ADAMTSL1: variants seen among roughly 807,000 people sequenced by gnomAD.
ADAMTSL1 encodes ADAMTS-like protein 1.
In ADAMTSL1, 126 loss-of-function variants were observed where a neutral mutation model predicts 201.8. The observed-to-expected ratio is 0.62, with a 90% confidence interval of 0.54 to 0.72. ADAMTSL1 has a LOEUF of 0.72. Among genes scored for constraint, ADAMTSL1 ranks in the 30% least tolerant of loss-of-function variants. The probability of loss-of-function intolerance (pLI) is 0.00; values close to 1 mark genes in which losing one functional copy is unlikely to be tolerated. For missense variants in ADAMTSL1, 2,679 were observed against 2,277.8 expected, an observed-to-expected ratio of 1.18 and a Z score of -3.59; for synonymous variants, 1,121 against 903.4, an observed-to-expected ratio of 1.24 and a Z score of -4.32.
At chr9:18,039,014 T>A (rs187275984) in intron 1 of ADAMTSL1, among the ~76,000 whole-genome samples, 133 of 152,288 alleles carry the variant, frequency 8.7e-4, no homozygotes, top group African/African-American at 3.2e-3. Flanking sequence ...AAGAAAGCAC[T>A]AACCCAGAGC....
At chr9:17,917,265 T>C (rs537670762) in intron 1 of ADAMTSL1, among the ~76,000 whole-genome samples, 11 of 152,224 alleles carry the variant, frequency 7.2e-5, no homozygotes, top group African/African-American at 2.6e-4. Flanking sequence ...ATTATGACAC[T>C]ACCTTCGAAC....
At chr9:17,930,550 C>G (rs542088805) in intron 1 of ADAMTSL1, among the ~76,000 whole-genome samples, 2 of 152,172 alleles carry the variant, frequency 1.3e-5, no homozygotes, top group Non-Finnish European at 2.9e-5. Context: ...TGGTCTCTGG[C>G]ACATTGTGCT....
At chr9:18,782,592 C>A (rs952662030) in intron 19 of ADAMTSL1, among the ~76,000 whole-genome samples, 1 of 152,074 alleles carries the variant, frequency 6.6e-6, no homozygotes, top group Non-Finnish European at 1.5e-5. Flanking sequence ...AATGAATTAA[C>A]AAATGAATGG....
intron 26 of ADAMTSL1, among the ~76,000 whole-genome samples, chr9:18,899,093 G>A (rs1411598566): frequency 1.3e-5 from 2 of 152,174 alleles, no homozygotes; most frequent in Non-Finnish European, 2.9e-5. Flanking sequence ...AGCAACTTCA[G>A]CAAAGTCCCA....
intron 13 of ADAMTSL1, among the ~76,000 whole-genome samples, chr9:18,695,506 T>C (rs1456303791): frequency 6.6e-6 from 1 of 152,220 alleles, no homozygotes; most frequent in East Asian, 1.9e-4. Context: ...GTTAGAAGCA[T>C]CCAGGTCACA....
chr9:18,122,346 A>T (rs1048941139), intron 1 of ADAMTSL1, among the ~76,000 whole-genome samples: 5 of 152,212 alleles, frequency 3.3e-5, no homozygotes, highest in Admixed American at 1.3e-4. Flanking sequence ...GGAAACACAG[A>T]TGATGGGTGA....
intron 2 of ADAMTSL1, among the ~76,000 whole-genome samples, chr9:18,514,873 G>T (rs915210358): frequency 6.6e-6 from 1 of 152,152 alleles, no homozygotes. Flanking sequence ...CCTGATATTA[G>T]AGGAAAAGCC....
intron 2 of ADAMTSL1, among the ~76,000 whole-genome samples, chr9:18,359,128 C>T (rs1836386893): frequency 6.6e-6 from 1 of 152,168 alleles, no homozygotes; most frequent in Non-Finnish European, 1.5e-5. Flanking sequence ...ATATAACATA[C>T]AGGCAAACAT....
intron 2 of ADAMTSL1, among the ~76,000 whole-genome samples, chr9:18,523,918 G>T (rs1322208863): frequency 7.4e-6 from 1 of 135,920 alleles, no homozygotes; most frequent in African/African-American, 2.7e-5. Flanking sequence ...TTGACTTGGT[G>T]ATGTGGGCTC....
intron 6 of ADAMTSL1, 123 bp from the exon 7 acceptor site, chr9:18,639,130 TG>T: frequency 1.2e-6 from 1 of 859,166 alleles, no homozygotes; most frequent in Non-Finnish European, 1.8e-6. Context: ...ATTTCAATTT[TG>T]TCAGCTATAT....
At chr9:18,649,310 C>T (rs200253856) in intron 7 of ADAMTSL1, among the ~76,000 whole-genome samples, 1 of 151,812 alleles carries the variant, frequency 6.6e-6, no homozygotes, top group African/African-American at 2.4e-5. Context: ...TCAAAGTTTT[C>T]AACTTCTTTG....
intron 1 of ADAMTSL1, among the ~76,000 whole-genome samples, chr9:18,098,440 G>A (rs1464472749): frequency 6.6e-6 from 1 of 152,088 alleles, no homozygotes; most frequent in East Asian, 1.9e-4. Context: ...GTAGTATGCA[G>A]TACACAGAAC....
intron 1 of ADAMTSL1, among the ~76,000 whole-genome samples, chr9:18,023,704 G>A (rs1019520600): frequency 2.6e-5 from 4 of 152,068 alleles, no homozygotes; most frequent in African/African-American, 9.7e-5. Flanking sequence ...TAATATTTCA[G>A]GTTAGGACAT....
chr9:18,435,471 T>C (rs956075178), intron 2 of ADAMTSL1, among the ~76,000 whole-genome samples: 6 of 152,152 alleles, frequency 3.9e-5, no homozygotes, highest in African/African-American at 1.2e-4. Flanking sequence ...CACTGATCTG[T>C]GTTATGAAGG....
intron 20 of ADAMTSL1, among the ~76,000 whole-genome samples, chr9:18,807,997 A>G (rs954406901): frequency 3.3e-5 from 5 of 152,210 alleles, no homozygotes; most frequent in Non-Finnish European, 7.3e-5. Flanking sequence ...TAGGTGATCA[A>G]CCAGGTGATC....
intron 15 of ADAMTSL1, among the ~76,000 whole-genome samples, chr9:18,724,558 T>G (rs1000759090): frequency 3.3e-5 from 5 of 152,250 alleles, no homozygotes; most frequent in African/African-American, 1.2e-4. Flanking sequence ...TTTAGAACAC[T>G]TTTTAAAAAT....
intron 2 of ADAMTSL1, among the ~76,000 whole-genome samples, chr9:18,185,213 G>A (rs960847976): frequency 6.6e-6 from 1 of 152,088 alleles, no homozygotes; most frequent in African/African-American, 2.4e-5. Context: ...AAGACGACAG[G>A]ATATTATTCC....
intron 1 of ADAMTSL1, among the ~76,000 whole-genome samples, chr9:18,153,816 T>A (rs2132054457): frequency 6.6e-6 from 1 of 152,170 alleles, no homozygotes; most frequent in East Asian, 1.9e-4. Flanking sequence ...CTAAAATTTT[T>A]CCAGCCACCT....
At chr9:17,994,735 A>G (rs1332048618) in intron 1 of ADAMTSL1, among the ~76,000 whole-genome samples, 2 of 152,174 alleles carry the variant, frequency 1.3e-5, no homozygotes, top group African/African-American at 4.8e-5. Context: ...TTCATTTACA[A>G]TCCTGATTTT....
Sources: allele counts gnomAD v4.1 joint callset (sites outside exome capture counted in the v4.1 genomes callset), GRCh38; gene constraint gnomAD v4.1.1; transcripts MANE v1.5; gene names NCBI Gene and HGNC (gene_info 2026-07-23, HGNC 2026-07-21).